The following MSN variants were observed in gnomAD, a reference collection of about 807,000 sequenced individuals.
MSN encodes the protein moesin, also known as epididymis luminal protein 70.
A neutral mutation model predicts 48.0 loss-of-function variants in MSN; 2 were observed. The ratio of observed to expected loss-of-function variants is 0.04; its 90% confidence interval spans 0.02 to 0.13. MSN has a LOEUF of 0.13. Among genes scored for constraint, MSN ranks in the 10% least tolerant of loss-of-function variants. The pLI, the probability that MSN is intolerant of heterozygous loss-of-function variation, is 1.00. For synonymous variants in MSN, 146 were observed against 166.9 expected, an observed-to-expected ratio of 0.87 and a Z score of 0.97; for missense variants, 267 against 470.1, an observed-to-expected ratio of 0.57 and a Z score of 3.99.
intron 1 of MSN, among the ~76,000 whole-genome samples, chrX:65,699,694 A>G (rs1185708808): frequency 9.9e-6 from 1 of 100,765 alleles, no homozygotes; most frequent in Non-Finnish European, 2.0e-5. Context: ...GCTTGCAGTG[A>G]GCCGAGATGG....
intron 4 of MSN, among the ~76,000 whole-genome samples, chrX:65,730,738 G>A (rs1175752498): frequency 2.7e-5 from 3 of 110,947 alleles, no homozygotes; most frequent in East Asian, 5.6e-4. Context: ...GGATCTAGGA[G>A]AGAGTGTACC....
intron 1 of MSN, among the ~76,000 whole-genome samples, chrX:65,606,149 G>A (rs1036986404): frequency 1.2e-5 from 1 of 80,543 alleles, no homozygotes; most frequent in African/African-American, 4.6e-5. Flanking sequence ...TTTTTTTTTT[G>A]AGACAGAGTC....
At chrX:65,645,685 C>T (rs1004012317) in intron 1 of MSN, among the ~76,000 whole-genome samples, 1 of 111,375 alleles carries the variant, frequency 9.0e-6, no homozygotes, top group African/African-American at 3.3e-5. Flanking sequence ...ATAGAGGAAA[C>T]GCTTGGTGAG....
In MSN at chrX:65,737,094, G is replaced by A. The variant is rs184302080; in HGVS notation, c.1091-84G>A. The A allele has an allele frequency of 4.1e-4, 462 of 1,138,972 alleles. No homozygotes were observed. In the African/African-American group the frequency reaches 7.7e-3, roughly 19 times the overall value. The allele number at this position is 1,138,972 out of a possible 1,213,427, so 93.9% of individuals were successfully genotyped here. A position where few individuals can be genotyped will look rare whatever the true frequency, so the allele number is the denominator to read the frequency against. ...GAACTTTCTGCCAGCTTTGTCTTGG[G>A]GTGGATCATTTCCAGGAACGAAGCT... On this transcript the variant is annotated intron_variant, in intron 9 of 12. Transcript: ENST00000360270.
rs367932812 is a variant in MSN, at chrX:65,704,771, GT to G, written c.13-12031del. 4.6e-3 allele frequency among the ~76,000 whole-genome samples: 453 copies of G among 97,423 alleles called. 1 individual carries two copies. The highest frequency in any genetic ancestry group is 0.015 in the Middle Eastern group (3 of 195). The allele number at this position is 97,423 out of a possible 115,157, so 84.6% of individuals were successfully genotyped here. A position where few individuals can be genotyped will look rare whatever the true frequency, so the allele number is the denominator to read the frequency against. The stretch of plus-strand genomic sequence containing the variant: ...AATAGGCTAGTGGATCAAAAGCCAG[GT>G]TTTTTTTTTTTTTTTGAGATGGAGT... On this transcript the variant is annotated intron_variant, in intron 1 of 12. Transcript: ENST00000360270.
upstream of MSN, among the ~76,000 whole-genome samples, chrX:65,666,556 T>A (rs967153139): frequency 9.0e-6 from 1 of 110,607 alleles, no homozygotes; most frequent in African/African-American, 3.3e-5. Flanking sequence ...TGACCTCAGG[T>A]GATCAGCCCG....
intron 1 of MSN, among the ~76,000 whole-genome samples, chrX:65,608,830 A>C (rs1264224524): frequency 9.0e-6 from 1 of 111,155 alleles, no homozygotes; most frequent in African/African-American, 3.3e-5. Flanking sequence ...GGGTTGTATA[A>C]AAATTCAGTG....
Position 65,733,060 on chromosome X carries a change from T to A in MSN, c.699-124T>A, listed in dbSNP as rs375409285. 8.5e-3 allele frequency: 3,482 copies of A among 408,874 alleles called. 12 individuals carry two copies. The highest frequency in any genetic ancestry group is 0.014 in the Middle Eastern group (19 of 1,397). 33.7% of individuals were successfully genotyped at this position (408,874 alleles called of 1,213,427 possible). A position where few individuals can be genotyped will look rare whatever the true frequency, so the allele number is the denominator to read the frequency against. On this transcript the variant is annotated intron_variant, in intron 6 of 12. Transcript: ENST00000360270. Reference sequence around the variant, plus strand: ...AGTGAGACCTCGTCTCTATTTATTTTAAAAAAAAAAAAAGAGAGAGAGAGA... The same window carrying A: ...AGTGAGACCTCGTCTCTATTTATTTAAAAAAAAAAAAAAGAGAGAGAGAGA...
chrX:65,700,678 A>G (rs186053762), intron 1 of MSN, among the ~76,000 whole-genome samples: 35 of 112,162 alleles, frequency 3.1e-4, no homozygotes, highest in Non-Finnish European at 7.5e-5. Flanking sequence ...TGCAGCTAGA[A>G]AATAGCAGTT....
intron 1 of MSN, among the ~76,000 whole-genome samples, chrX:65,607,471 T>C (rs992696495): frequency 9.0e-6 from 1 of 111,148 alleles, no homozygotes; most frequent in Non-Finnish European, 1.9e-5. Flanking sequence ...CTTTGACAGA[T>C]GGGGAAAATA....
rs146763312 is a variant in MSN at position 65,622,045 on chromosome X, T to G, written c.-22+33433T>G. Among the ~76,000 whole-genome samples the G allele has an allele frequency of 2.9e-3, 321 of 110,966 alleles. 1 individual carries two copies. Among genetic ancestry groups the G allele is most frequent in the African/African-American group, 0.01 (311 of 30,700 alleles). On this transcript the variant is annotated intron_variant, in intron 1 of 3. Coordinates refer to the MSN transcript ENST00000609672. ...GGATTATTTGGGATTTTTAAATATA[T>G]GGGATCATGTCATCTGTGAATAGAG...
At chrX:65,728,028 G>C in intron 3 of MSN, 119 bp downstream of exon 3, 5 of 597,221 alleles carry the variant, frequency 8.4e-6, no homozygotes, top group Non-Finnish European at 1.3e-5. Flanking sequence ...GTGACTGGGT[G>C]GTCTGTTGAC....
chrX:65,738,449 G>A (rs2071701429), intron 10 of MSN, 76 bp from the exon 11 acceptor site: 1 of 921,613 alleles, frequency 1.1e-6, no homozygotes, highest in Admixed American at 2.9e-5. Context: ...TAGTCCCCCA[G>A]GGGACTTGGG....
upstream of MSN, among the ~76,000 whole-genome samples, chrX:65,663,968 G>A (rs939391138): frequency 1.9e-5 from 2 of 107,939 alleles, no homozygotes; most frequent in Non-Finnish European, 3.8e-5. Context: ...GCTGAGGCAA[G>A]AGAATGGCAT....
chrX:65,660,496 G>C (rs758023612), intron 1 of MSN, among the ~76,000 whole-genome samples: 2 of 110,220 alleles, frequency 1.8e-5, no homozygotes, highest in African/African-American at 3.3e-5. Context: ...TTGCCTGATT[G>C]CTCTGGCCAG....
At chrX:65,665,204 CTT>C (rs1212579338), upstream of MSN, among the ~76,000 whole-genome samples, 3 of 111,876 alleles carry the variant, frequency 2.7e-5, no homozygotes, top group African/African-American at 9.7e-5. Flanking sequence ...CAAGTAAATT[CTT>C]TGTCTTTAGG....
At chrX:65,609,561 C>A (rs1742957225) in intron 1 of MSN, among the ~76,000 whole-genome samples, 1 of 111,238 alleles carries the variant, frequency 9.0e-6, no homozygotes, top group African/African-American at 3.3e-5. Flanking sequence ...CCACATAGTC[C>A]CAGGGCCATA....
chrX:65,677,359 T>C, intron 1 of MSN, among the ~76,000 whole-genome samples: 1 of 112,549 alleles, frequency 8.9e-6, no homozygotes, highest in Non-Finnish European at 1.9e-5. Context: ...TTGTAGATAC[T>C]TGTGGGAGAC....
At chrX:65,620,484 G>T (rs187273595) in intron 1 of MSN, among the ~76,000 whole-genome samples, 1 of 113,855 alleles carries the variant, frequency 8.8e-6, no homozygotes, top group African/African-American at 3.2e-5. Context: ...GGTGCCGTCC[G>T]TCACCCCTTT....
Sources: allele counts gnomAD v4.1 joint callset (sites outside exome capture counted in the v4.1 genomes callset), GRCh38; gene constraint gnomAD v4.1.1; transcripts MANE v1.5; gene names NCBI Gene and HGNC (gene_info 2026-07-23, HGNC 2026-07-21).